Variants in SPAG11B observed in about 807,000 individuals in gnomAD.
SPAG11B encodes sperm associated antigen 11B, also known as sperm-associated antigen 11B.
A neutral mutation model predicts 8.9 loss-of-function variants in SPAG11B; 5 were observed. That is an observed-to-expected ratio of 0.56 (90% CI 0.29 to 1.19). The LOEUF (loss-of-function observed/expected upper bound fraction) is 1.19. Ranked by LOEUF, SPAG11B falls within the 50% of genes most tolerant of loss-of-function variation. The pLI, the probability that SPAG11B is intolerant of heterozygous loss-of-function variation, is 0.08. For synonymous variants in SPAG11B, 12 were observed against 53.0 expected (o/e 0.23, Z 3.36); for missense variants, 38 against 146.4 (o/e 0.26, Z 3.82).
At chr8:7,453,226 A>AT (rs1442737613) in intron 2 of SPAG11B, among the ~76,000 whole-genome samples, 3 of 143,300 alleles carry the variant, frequency 2.1e-5, no homozygotes, top group South Asian at 2.2e-4. Flanking sequence ...AGGACACGAT[A>AT]TTTTTGTGTG....
At chr8:7,453,717 C>T (rs1380603665) in intron 2 of SPAG11B, among the ~76,000 whole-genome samples, 2 of 149,006 alleles carry the variant, frequency 1.3e-5, no homozygotes, top group Non-Finnish European at 3.0e-5. Flanking sequence ...CATGGGTGAA[C>T]AGTGTGAGCA....
At chr8:7,453,794 A>G (rs1810334393) in intron 2 of SPAG11B, among the ~76,000 whole-genome samples, 3 of 148,508 alleles carry the variant, frequency 2.0e-5, no homozygotes, top group African/African-American at 7.7e-5. Flanking sequence ...AAGCAGGACA[A>G]TGTGCCCTGG....
chr8:7,451,804 G>A (rs1810198986), intron 2 of SPAG11B, among the ~76,000 whole-genome samples: 1 of 151,924 alleles, frequency 6.6e-6, no homozygotes, highest in South Asian at 2.1e-4. Flanking sequence ...TCTGTAAAAT[G>A]TGTTCTATGT....
chr8:7,459,377 C>T (rs568452168), intron 2 of SPAG11B, among the ~76,000 whole-genome samples: 7 of 141,330 alleles, frequency 5.0e-5, no homozygotes, highest in East Asian at 2.5e-4. Flanking sequence ...GACTAAGAGG[C>T]TCCAGCCTTT....
rs1810484487 is a variant in SPAG11B, at chr8:7,457,050, C to T, written c.214+5657G>A. On this transcript the variant is annotated intron_variant, in intron 2 of 2. Transcript: ENST00000398462. ...TTTTTTATGAATCCCAGGTAGGCTC[C>T]AAAGTCTCCCTGGGTAACATGCTTT... Among the ~76,000 whole-genome samples, 3 of 93,770 alleles carry T rather than the reference C, an allele frequency of 3.2e-5. 1 individual carries two copies. The highest frequency in any genetic ancestry group is 1.3e-4 in the African/African-American group (3 of 22,484). The allele number at this position is 93,770 out of a possible 152,430, so 61.5% of individuals were successfully genotyped here.
rs61749560 is a variant in SPAG11B, at chr8:7,451,153, A to G, written c.215-253T>C. On this transcript the variant is annotated intron_variant, in intron 2 of 2. Coordinates refer to ENST00000398462, the MANE Select transcript of SPAG11B (RefSeq NM_058201.4). ...CCCATCTAGGCCCTAAAAAGTCCAC[A>G]CAGATCCTAAATGAGGGTCCTCGAG... 1.9e-4 allele frequency: 295 copies of G among 1,559,926 alleles called. 14 individuals carry two copies. The East Asian group carries it at 4.5e-3, about 24-fold the overall frequency.
intron 2 of SPAG11B, among the ~76,000 whole-genome samples, chr8:7,453,899 G>T (rs1810343098): frequency 6.7e-6 from 1 of 148,988 alleles, no homozygotes; most frequent in African/African-American, 2.5e-5. Flanking sequence ...AGCTGCTTTT[G>T]ACCCTCCACC....
intron 2 of SPAG11B, among the ~76,000 whole-genome samples, chr8:7,454,068 T>A (rs1810355726): frequency 9.0e-6 from 1 of 110,926 alleles, no homozygotes; most frequent in Admixed American, 9.2e-5. Flanking sequence ...TCTGAAGACA[T>A]CTCTGAAATC....
chr8:7,447,934 C>A (rs1235553168), downstream of SPAG11B: 25 of 1,057,182 alleles, frequency 2.4e-5, 7 homozygotes, highest in Non-Finnish European at 3.2e-5. Context: ...GCCTCCTGGC[C>A]TCTGAAGCCG....
intron 2 of SPAG11B, among the ~76,000 whole-genome samples, chr8:7,459,172 C>T (rs1430210849): frequency 4.0e-5 from 2 of 49,906 alleles, no homozygotes; most frequent in Non-Finnish European, 6.5e-5. Context: ...GAGCCAAAAT[C>T]GCACCATTGC....
chr8:7,450,311 G>A (rs564668637), downstream of SPAG11B, among the ~76,000 whole-genome samples: 5 of 146,948 alleles, frequency 3.4e-5, no homozygotes, highest in South Asian at 6.4e-4. Context: ...AAAGGGAAAA[G>A]GGATAAGGTG....
downstream of SPAG11B, among the ~76,000 whole-genome samples, chr8:7,449,837 AAGCTT>A (rs1221968547): frequency 7.1e-6 from 1 of 140,752 alleles, no homozygotes; most frequent in Non-Finnish European, 1.5e-5. Context: ...AGTCAGGAAA[AAGCTT>A]GGCATGTGGT....
intron 2 of SPAG11B, 129 bp from the exon 3 acceptor site, chr8:7,451,029 A>G: frequency 6.6e-7 from 1 of 1,511,980 alleles, no homozygotes; most frequent in Non-Finnish European, 9.0e-7. Context: ...CCCCAGTTTA[A>G]CCGAACTTTG....
At chr8:7,459,473 C>T (rs1370031486) in intron 2 of SPAG11B, among the ~76,000 whole-genome samples, 1 of 147,620 alleles carries the variant, frequency 6.8e-6, no homozygotes, top group African/African-American at 2.5e-5. Context: ...TGAAAGACTA[C>T]TACACATCAA....
intron 2 of SPAG11B, among the ~76,000 whole-genome samples, chr8:7,453,914 A>C (rs1810345145): frequency 6.7e-6 from 1 of 149,418 alleles, no homozygotes; most frequent in Non-Finnish European, 1.5e-5. Flanking sequence ...TCCACCAAAA[A>C]AAAAGAGAGA....
At chr8:7,447,830 GAGC>G, downstream of SPAG11B, 1 of 431,950 alleles carries the variant, frequency 2.3e-6, no homozygotes, top group Non-Finnish European at 4.0e-6. Context: ...GATCCCTGGG[GAGC>G]CAGTCCATGG....
At position 7,453,930 on chromosome 8, in the gene SPAG11B, A is replaced by G. The variant is rs575527330; in HGVS notation, c.215-3030T>C. On this transcript the variant is annotated intron_variant, in intron 2 of 2. Transcript: ENST00000398462. ...CCACCAAAAAAAAAGAGAGAAAAAA[A>G]AAAGTTACCTTAAATGTTAGCTATG... is the stretch of plus-strand genomic sequence containing the variant. Among the ~76,000 whole-genome samples, 30 of 149,298 alleles carry G rather than the reference A, an allele frequency of 2.0e-4. No individual in the cohort carries two copies. In the South Asian group the frequency reaches 5.9e-3, roughly 29 times the overall value.
downstream of SPAG11B, among the ~76,000 whole-genome samples, chr8:7,449,568 G>C (rs1344906086): frequency 6.7e-6 from 1 of 149,920 alleles, no homozygotes; most frequent in African/African-American, 2.5e-5. Flanking sequence ...GCCTAAGAGA[G>C]ACTTACTCTG....
rs372075817 is a variant in SPAG11B at position 7,451,434 on chromosome 8, T to C, written c.215-534A>G. Among the ~76,000 whole-genome samples the C allele has an allele frequency of 1.4e-4, 17 of 125,818 alleles. 1 individual carries two copies. Among genetic ancestry groups the C allele is most frequent in the African/African-American group, 4.7e-4 (15 of 31,898 alleles). The allele number at this position is 125,818 out of a possible 152,430, so 82.5% of individuals were successfully genotyped here. A position where few individuals can be genotyped will look rare whatever the true frequency, so the allele number is the denominator to read the frequency against. Reference sequence around the variant, plus strand: ...TAACAACAGGACATTGGGCAAGAGATGGTTGAAAGAAAGATCTTACTTATG... The same window carrying C: ...TAACAACAGGACATTGGGCAAGAGACGGTTGAAAGAAAGATCTTACTTATG... On this transcript the variant is annotated intron_variant, in intron 2 of 2. Transcript: ENST00000398462.
Sources: allele counts gnomAD v4.1 joint callset (sites outside exome capture counted in the v4.1 genomes callset), GRCh38; gene constraint gnomAD v4.1.1; transcripts MANE v1.5; gene names NCBI Gene and HGNC (gene_info 2026-07-23, HGNC 2026-07-21).